Variants in GRIN2B observed in about 807,000 individuals in gnomAD.
GRIN2B encodes the protein glutamate receptor ionotropic, NMDA 2B.
Under a neutral mutation model 114.5 loss-of-function variants are expected in GRIN2B, and 5 were observed. The observed-to-expected ratio is 0.04, with a 90% CI of 0.02 to 0.09. The LOEUF is 0.09. Ranked by LOEUF, GRIN2B falls within the 10% of genes least tolerant of loss-of-function variation. The pLI, the probability that GRIN2B is intolerant of heterozygous loss-of-function variation, is 1.00. For synonymous variants in GRIN2B, 787 were observed against 745.1 expected, an observed-to-expected ratio of 1.06 and a Z score of -0.92; for missense variants, 1,108 against 1,943.5, an observed-to-expected ratio of 0.57 and a Z score of 8.08.
intron 4 of GRIN2B, among the ~76,000 whole-genome samples, chr12:13,707,070 T>C (rs1950366278): frequency 6.6e-6 from 1 of 151,784 alleles, no homozygotes; most frequent in African/African-American, 2.4e-5. Flanking sequence ...TTATTCTTAA[T>C]CTATGAGCAT....
At chr12:13,957,138 T>C (rs1867606398) in intron 2 of GRIN2B, among the ~76,000 whole-genome samples, 1 of 152,176 alleles carries the variant, frequency 6.6e-6, no homozygotes. Context: ...CATCAACCTA[T>C]TGCTTCCATT....
chr12:13,569,865 T>G lies in GRIN2B; in HGVS notation c.2324A>C (p.Gln775Pro), dbSNP rs762247262. The G allele has an allele frequency of 2.5e-6, 4 of 1,611,120 alleles. No homozygotes were observed. The South Asian group carries it at 4.4e-5, about 18-fold the overall frequency. ...GAGCTGCAGGATAGCAAGGTCCACC[T>G]GGCGCTTCCACCCAGAATCTTTTTG... Reference protein sequence around the residue: ...AIQKDSGWKRQVDLAILQLFG... With the variant: ...AIQKDSGWKRPVDLAILQLFG... The change falls in exon 12 of 14, where the codon CAG becomes CCG. Residue 775 changes from glutamine to proline, a missense_variant. Physicochemically the swap from Gln to Pro is moderately conservative, Grantham distance 76. Transcript: ENST00000609686.
At chr12:13,725,248 C>A (rs1862959723) in intron 4 of GRIN2B, among the ~76,000 whole-genome samples, 1 of 151,654 alleles carries the variant, frequency 6.6e-6, no homozygotes, top group African/African-American at 2.4e-5. Flanking sequence ...GAATTAGTCA[C>A]CAGATTGTGT....
intron 2 of GRIN2B, among the ~76,000 whole-genome samples, chr12:13,918,646 A>G (rs990654199): frequency 6.6e-6 from 1 of 152,212 alleles, no homozygotes; most frequent in Non-Finnish European, 1.5e-5. Context: ...CACGCTCTGC[A>G]ATTAGACATT....
intron 4 of GRIN2B, among the ~76,000 whole-genome samples, chr12:13,734,799 G>A (rs1336563405): frequency 6.6e-6 from 1 of 152,184 alleles, no homozygotes; most frequent in African/African-American, 2.4e-5. Context: ...GAAGGCTTCA[G>A]AGAGGAGGCA....
chr12:13,710,598 C>A (rs368933202), intron 4 of GRIN2B, among the ~76,000 whole-genome samples: 2 of 151,940 alleles, frequency 1.3e-5, no homozygotes, highest in Non-Finnish European at 2.9e-5. Context: ...GACAAACAGA[C>A]AGCCAAATCA....
chr12:13,608,851 A>G lies in GRIN2B; in HGVS notation c.1781-19T>C, dbSNP rs370396991. Reference sequence around the variant, plus strand: ...CCAGGCTCTGGCATGACAAAAAGACAAGGACGAAAGTTAAGCCATTGTGGC... The same window carrying G: ...CCAGGCTCTGGCATGACAAAAAGACGAGGACGAAAGTTAAGCCATTGTGGC... On this transcript the variant is annotated intron_variant, in intron 9 of 13. Transcript: ENST00000609686. 6.3e-7 allele frequency: 1 copy of G among 1,577,830 alleles called. No individual in the cohort carries two copies. The highest frequency in any genetic ancestry group is 8.7e-7 in the Non-Finnish European group (1 of 1,147,294).
chr12:13,567,258 T>A lies in GRIN2B; in HGVS notation c.2365A>T (p.Met789Leu). Residue 789 changes from methionine to leucine, a missense_variant, in exon 13 of 14, where the codon ATG becomes TTG. By Grantham distance (15) the Met-to-Leu change is conservative. Coordinates refer to ENST00000609686, the MANE Select transcript of GRIN2B (RefSeq NM_000834.5). ...AILQLFGDGE[M>L]EELEALWLTG... Reference sequence around the variant, plus strand: ...AGCCAGAGAGCTTCCAGTTCTTCCATCTCCCCTGGGGAAAGGACAGAGAAG... The same window carrying A: ...AGCCAGAGAGCTTCCAGTTCTTCCAACTCCCCTGGGGAAAGGACAGAGAAG... The A allele has an allele frequency of 1.2e-6, 2 of 1,609,494 alleles. No homozygotes were observed. Among genetic ancestry groups the A allele is most frequent in the Non-Finnish European group, 1.7e-6 (2 of 1,177,326 alleles).
Position 13,981,465 on chromosome 12 carries a change from C to G in GRIN2B, c.-571G>C, listed in dbSNP as rs1018299932. 3 of 152,070 alleles carry G rather than the reference C, an allele frequency of 2.0e-5. No individual in the cohort carries two copies. Among genetic ancestry groups the G allele is most frequent in the African/African-American group, 7.2e-5 (3 of 41,398 alleles). 9.4% of individuals were successfully genotyped at this position (152,070 alleles called of 1,614,324 possible). A position where few individuals can be genotyped will look rare whatever the true frequency, so the allele number is the denominator to read the frequency against. On this transcript the variant is annotated 5_prime_UTR_variant, in exon 1 of 14. Coordinates refer to ENST00000609686, the MANE Select transcript of GRIN2B (RefSeq NM_000834.5). ...GTCTCGGGGGTTTTGAAGTTCATGACTCTTCTTTGCAAGGCAAAAGGATAT... is the reference window on the plus strand; with the variant it reads ...GTCTCGGGGGTTTTGAAGTTCATGAGTCTTCTTTGCAAGGCAAAAGGATAT...
chr12:13,607,987 ACAG>A (rs1242403594), intron 10 of GRIN2B, among the ~76,000 whole-genome samples: 1 of 150,390 alleles, frequency 6.6e-6, no homozygotes, highest in Non-Finnish European at 1.5e-5. Context: ...GTGATGGAAA[ACAG>A]CAGACACTTT....
At chr12:13,568,527 C>T (rs1461438002) in intron 12 of GRIN2B, among the ~76,000 whole-genome samples, 1 of 152,190 alleles carries the variant, frequency 6.6e-6, no homozygotes, top group Non-Finnish European at 1.5e-5. Context: ...CTCCTGTTTC[C>T]AATGTTAATC....
intron 4 of GRIN2B, among the ~76,000 whole-genome samples, chr12:13,726,380 C>T (rs1432258230): frequency 6.6e-6 from 1 of 151,482 alleles, no homozygotes; most frequent in African/African-American, 2.4e-5. Context: ...ACTAAAAATA[C>T]AAAAATTAGC....
chr12:13,894,761 A>G (rs1033089127), intron 2 of GRIN2B, among the ~76,000 whole-genome samples: 1 of 152,178 alleles, frequency 6.6e-6, no homozygotes, highest in African/African-American at 2.4e-5. Flanking sequence ...ATTAATGGAG[A>G]ATCAACCACT....
chr12:13,821,362 A>G (rs1192939818), intron 3 of GRIN2B, among the ~76,000 whole-genome samples: 1 of 152,212 alleles, frequency 6.6e-6, no homozygotes, highest in Non-Finnish European at 1.5e-5. Flanking sequence ...TGCAGCTCAG[A>G]GGAGCTAATT....
chr12:13,604,426 C>A (rs929935155), intron 10 of GRIN2B, among the ~76,000 whole-genome samples: 3 of 152,102 alleles, frequency 2.0e-5, no homozygotes, highest in African/African-American at 7.2e-5. Context: ...AGCTATAAAT[C>A]GAATGGCTAC....
chr12:13,867,292 A>G (rs1434589226), intron 2 of GRIN2B, among the ~76,000 whole-genome samples: 2 of 152,152 alleles, frequency 1.3e-5, no homozygotes, highest in African/African-American at 4.8e-5. Context: ...ACTTCCACAT[A>G]TGACCCTAAA....
chr12:13,953,674 T>C (rs942789670), intron 2 of GRIN2B, among the ~76,000 whole-genome samples: 1 of 152,128 alleles, frequency 6.6e-6, no homozygotes, highest in Non-Finnish European at 1.5e-5. Context: ...CCAGGAGCTG[T>C]ATCTCCTCCC....
At position 13,865,959 on chromosome 12, in the gene GRIN2B, G is replaced by T. The variant is rs1260965687; in HGVS notation, c.250C>A (p.Arg84Ser). The T allele has an allele frequency of 2.5e-6, 4 of 1,614,000 alleles. No individual in the cohort carries two copies. The highest frequency in any genetic ancestry group is 2.5e-6 in the Non-Finnish European group (3 of 1,179,956). ...CGGTCAGACATGAGATCACAGATGC[G>T]GGTGATGATGCTCTTTGGGTCGGTC... ...NETDPKSIIT[R>S]ICDLMSDRKI... The change falls in exon 3 of 14, where the codon CGC becomes AGC. Residue 84 changes from arginine (R) to serine (S), a missense_variant. Physicochemically the swap from Arg to Ser is moderately radical, Grantham distance 110. Around this residue, in one of 19 missense-constraint regions of GRIN2B, gnomAD observed 199 missense variants for 439.6 expected, o/e 0.45. Coordinates refer to ENST00000609686, the MANE Select transcript of GRIN2B (RefSeq NM_000834.5).
Position 13,562,675 on chromosome 12 carries a change from A to G in GRIN2B, c.*108T>C. On this transcript the variant is annotated 3_prime_UTR_variant, in exon 14 of 14. Coordinates refer to ENST00000609686, the MANE Select transcript of GRIN2B (RefSeq NM_000834.5). ...TCCCATAAATAAATTAAAACAAGAA[A>G]GGAGCAAATGGGAACCAAGTTCACC... 2 of 951,194 alleles carry G rather than the reference A, an allele frequency of 2.1e-6. No individual in the cohort carries two copies. The highest frequency in any genetic ancestry group is 3.4e-6 in the Non-Finnish European group (2 of 584,372). 58.9% of individuals were successfully genotyped at this position (951,194 alleles called of 1,614,324 possible). A position where few individuals can be genotyped will look rare whatever the true frequency, so the allele number is the denominator to read the frequency against.
Sources: allele counts gnomAD v4.1 joint callset (sites outside exome capture counted in the v4.1 genomes callset), GRCh38; gene constraint gnomAD v4.1.1; regional missense constraint gnomAD v4.1.1; transcripts MANE v1.5; gene names NCBI Gene and HGNC (gene_info 2026-07-23, HGNC 2026-07-21).